PSME4: variants seen among roughly 807,000 people sequenced by gnomAD.
The protein encoded by PSME4 is proteasome activator subunit 4, also known as proteasome activator complex subunit 4.
In PSME4, 89 loss-of-function variants were observed where a neutral mutation model predicts 253.9. That is an observed-to-expected ratio of 0.35 (90% confidence interval 0.30 to 0.42). The LOEUF is 0.42. Among genes scored for constraint, PSME4 ranks in the 10% least tolerant of loss-of-function variants. PSME4 has a pLI of 1.00. For synonymous variants in PSME4, 851 were observed against 759.2 expected, an observed-to-expected ratio of 1.12 and a Z score of -1.99; for missense variants, 2,014 against 2,195.2, an observed-to-expected ratio of 0.92 and a Z score of 1.65.
In PSME4 at chr2:53,892,869, C is replaced by A. The variant is rs1174983859; in HGVS notation, c.4130G>T (p.Arg1377Leu). The A allele has an allele frequency of 6.2e-7, 1 of 1,613,824 alleles. No homozygotes were observed. Among genetic ancestry groups the A allele is most frequent in the Non-Finnish European group, 8.5e-7 (1 of 1,179,852 alleles). The change falls in exon 36 of 47, where the codon CGA becomes CTA. Residue 1377 changes from arginine to leucine, a missense_variant. This residue lies in a region of PSME4 where 403 missense variants were observed against 556.1 expected (regional missense o/e 0.72). Coordinates refer to ENST00000404125, the MANE Select transcript of PSME4 (RefSeq NM_014614.3). ...ACCAGCTATAATTTCTGCAACACAT[C>A]GCTGGGTGCTTTCATGTGAATCTGC... is the stretch of plus-strand genomic sequence containing the variant. Reference protein sequence around the residue: ...LVADSHESTQRCVAEIIAGLI... With the variant: ...LVADSHESTQLCVAEIIAGLI...
chr2:53,924,142 T>A (rs576390437), intron 14 of PSME4, among the ~76,000 whole-genome samples: 51 of 152,288 alleles, frequency 3.3e-4, no homozygotes, highest in African/African-American at 1.2e-3. Context: ...AAGCAGTCTG[T>A]TTATTTTACA....
chr2:53,880,235 C>T (rs1679319914), intron 41 of PSME4, among the ~76,000 whole-genome samples: 2 of 152,100 alleles, frequency 1.3e-5, no homozygotes. Flanking sequence ...GTACGAGGAG[C>T]ACTTGAAGCC....
Position 53,887,368 on chromosome 2 carries a change from T to C in PSME4, c.4620A>G (p.Lys1540=), listed in dbSNP as rs1679687871. 3 of 1,613,884 alleles carry C rather than the reference T, an allele frequency of 1.9e-6. No homozygotes were observed. Among genetic ancestry groups the C allele is most frequent in the Middle Eastern group, 3.3e-4 (2 of 6,062 alleles). ...VPEFTARILE[K]LKPLMDVDEE... is the part of the protein sequence containing the mutation. ...CATCCACATCCATGAGAGGTTTCAATTTCTCCAGAATTCGAGCAGTAAACT... is the reference window on the plus strand; with the variant it reads ...CATCCACATCCATGAGAGGTTTCAACTTCTCCAGAATTCGAGCAGTAAACT... The change falls in exon 40 of 47, where the codon AAA becomes AAG. Residue 1540 remains lysine, a synonymous_variant. Transcript: ENST00000404125.
At chr2:53,956,818 T>C (rs1006100115) in intron 1 of PSME4, among the ~76,000 whole-genome samples, 6 of 152,138 alleles carry the variant, frequency 3.9e-5, no homozygotes, top group African/African-American at 1.4e-4. Flanking sequence ...ATGTTTAAAA[T>C]CAGATAATCA....
intron 1 of PSME4, among the ~76,000 whole-genome samples, chr2:53,954,057 C>A (rs1403381238): frequency 6.6e-6 from 1 of 151,516 alleles, no homozygotes; most frequent in Non-Finnish European, 1.5e-5. Flanking sequence ...TGGCCGGGCG[C>A]GGTGGCTCAC....
At chr2:53,950,285 C>CAA (rs201124935) in intron 1 of PSME4, among the ~76,000 whole-genome samples, 21 of 131,576 alleles carry the variant, frequency 1.6e-4, no homozygotes, top group South Asian at 4.7e-4. Flanking sequence ...TCTTGTCTTC[C>CAA]AAAAAAAAAA....
At chr2:53,957,103 AC>A (rs1463520616) in intron 1 of PSME4, among the ~76,000 whole-genome samples, 3 of 152,158 alleles carry the variant, frequency 2.0e-5, no homozygotes, top group African/African-American at 7.2e-5. Context: ...ATTAAGCTTT[AC>A]CCTGCCACTC....
intron 42 of PSME4, 52 bp from the exon 43 acceptor site, chr2:53,874,546 A>C (rs999551633): frequency 4.6e-6 from 7 of 1,514,534 alleles, no homozygotes; most frequent in African/African-American, 1.4e-5. Flanking sequence ...CAAGAACATG[A>C]GATGACAGAT....
chr2:53,909,208 G>C (rs184779190), intron 21 of PSME4, among the ~76,000 whole-genome samples: 293 of 152,152 alleles, frequency 1.9e-3, no homozygotes, highest in Non-Finnish European at 3.1e-3. Flanking sequence ...AAAATACATG[G>C]AATTTTCTAA....
At chr2:53,916,668 C>T (rs1461350773) in intron 20 of PSME4, among the ~76,000 whole-genome samples, 4 of 151,928 alleles carry the variant, frequency 2.6e-5, no homozygotes, top group Admixed American at 2.6e-4. Context: ...CAATTACTAA[C>T]CTATATTAAA....
chr2:53,965,944 T>C (rs1670713601), intron 1 of PSME4, among the ~76,000 whole-genome samples: 1 of 152,104 alleles, frequency 6.6e-6, no homozygotes, highest in African/African-American at 2.4e-5. Context: ...AGTACTGGGA[T>C]TACAGGCGTG....
At chr2:53,940,985 A>ACATATT (rs1669421666) in intron 3 of PSME4, among the ~76,000 whole-genome samples, 1 of 95,030 alleles carries the variant, frequency 1.1e-5, no homozygotes, top group African/African-American at 3.4e-5. Context: ...ATATATATAT[A>ACATATT]TATATATATA....
rs866633522 is a variant in PSME4, at chr2:53,897,926, G to A, written c.3550C>T (p.Arg1184Cys). Residue 1184 changes from arginine (R) to cysteine (C), a missense_variant, in exon 31 of 47, where the codon CGT becomes TGT. Around this residue, in one of 4 missense-constraint regions of PSME4, gnomAD observed 989 missense variants for 1,021.1 expected, o/e 0.97. Coordinates refer to ENST00000404125, the MANE Select transcript of PSME4 (RefSeq NM_014614.3). ...LLRDDRVLPL[R>C]AIRFFVENLN... ...TTCTCAACAAAAAACCGTATGGCAC[G>A]AAGAGGCAACACTCGGTCATCTCTC... 9 of 1,613,188 alleles carry A rather than the reference G, an allele frequency of 5.6e-6. No homozygotes were observed. Among genetic ancestry groups the A allele is most frequent in the South Asian group, 1.1e-5 (1 of 91,062 alleles).
chr2:53,888,699 T>C (rs749064066), intron 38 of PSME4, 22 bp downstream of exon 38: 17 of 1,537,702 alleles, frequency 1.1e-5, no homozygotes, highest in South Asian at 4.5e-5. Flanking sequence ...GTTAACCTCA[T>C]AGGTTTTTTA....
chr2:53,936,732 A>T, intron 6 of PSME4, 32 bp downstream of exon 6: 2 of 1,447,572 alleles, frequency 1.4e-6, no homozygotes, highest in Non-Finnish European at 1.9e-6. Context: ...AAAAAACTAT[A>T]GGGGGGAAGA....
At position 53,920,974 on chromosome 2, in the gene PSME4, C is replaced by A. The variant is rs367855869; in HGVS notation, c.2177G>T (p.Arg726Leu). Residue 726 changes from arginine to leucine, a missense_variant, in exon 18 of 47, where the codon CGT (arginine) becomes CTT (leucine). By Grantham distance (102) the Arg-to-Leu change is moderately radical. Coordinates refer to ENST00000404125, the MANE Select transcript of PSME4 (RefSeq NM_014614.3). Reference protein sequence around the residue: ...LSCNLLHHLLRSTTLIYPTEY... With the variant: ...LSCNLLHHLLLSTTLIYPTEY... The stretch of plus-strand genomic sequence containing the variant: ...TGTAGGGTAGATAAGTGTGGTAGAA[C>A]GGAGAAGATGATGCAAAAGGTTACA... The A allele has an allele frequency of 4.3e-6, 7 of 1,613,972 alleles. No individual in the cohort carries two copies. Among genetic ancestry groups the A allele is most frequent in the Non-Finnish European group, 5.9e-6 (7 of 1,179,918 alleles).
chr2:53,919,722 C>T (rs1486852493), intron 19 of PSME4, among the ~76,000 whole-genome samples: 4 of 152,074 alleles, frequency 2.6e-5, no homozygotes, highest in Admixed American at 6.6e-5. Flanking sequence ...GTGTTTGATA[C>T]ATTAATTTTC....
intron 1 of PSME4, 31 bp downstream of exon 1, chr2:53,970,512 C>T: frequency 1.9e-6 from 3 of 1,547,756 alleles, no homozygotes; most frequent in Non-Finnish European, 2.6e-6. Context: ...CCTTTCCCCC[C>T]GGCCCGGCCC....
intron 44 of PSME4, among the ~76,000 whole-genome samples, chr2:53,867,580 G>A (rs1189279977): frequency 6.7e-6 from 1 of 149,652 alleles, no homozygotes; most frequent in Non-Finnish European, 1.5e-5. Flanking sequence ...GAGGCAGGAG[G>A]ATCGCTTGAG....
Sources: allele counts gnomAD v4.1 joint callset (sites outside exome capture counted in the v4.1 genomes callset), GRCh38; gene constraint gnomAD v4.1.1; regional missense constraint gnomAD v4.1.1; transcripts MANE v1.5; gene names NCBI Gene and HGNC (gene_info 2026-07-23, HGNC 2026-07-21).